Variants in P3H4 observed in about 807,000 individuals in gnomAD.
P3H4 encodes prolyl 3-hydroxylase family member 4 (inactive).
A neutral mutation model predicts 52.9 loss-of-function variants in P3H4; 47 were observed. That is an observed-to-expected ratio of 0.89 (90% CI 0.70 to 1.13). The LOEUF is 1.13. Ranked by LOEUF, P3H4 falls within the 50% of genes most tolerant of loss-of-function variation. The pLI is 0.00. For synonymous variants in P3H4, 256 were observed against 267.9 expected, an observed-to-expected ratio of 0.96 and a Z score of 0.44; for missense variants, 585 against 611.0, an observed-to-expected ratio of 0.96 and a Z score of 0.45.
intron 4 of P3H4, among the ~76,000 whole-genome samples, chr17:41,809,143 C>T (rs1012227773): frequency 5.3e-5 from 8 of 152,152 alleles, no homozygotes; most frequent in East Asian, 3.9e-4. Context: ...AAGTGTTGGC[C>T]GGTCATGGTG....
chr17:41,803,266 C>T (rs200125154), intron 7 of P3H4, 21 bp downstream of exon 7: 28 of 1,607,054 alleles, frequency 1.7e-5, no homozygotes, highest in Non-Finnish European at 2.1e-5. Context: ...TCCCCACCCC[C>T]CAAGGACTCG....
In P3H4 at chr17:41,807,903, G is replaced by A. The variant is rs782149319; in HGVS notation, c.1018C>T (p.Arg340Trp). The change falls in exon 5 of 8, where the codon CGG becomes TGG. Residue 340 changes from arginine (R) to tryptophan (W), a missense_variant. By Grantham distance (101) the Arg-to-Trp change is moderately radical. Transcript: ENST00000393928. ...TCCTCTTCCAGGCCCCAGCGAGCCC[G>A]GTGGAACCGGTAATACACCAGGTTC... Reference protein sequence around the residue: ...QQNLVYYRFHRARWGLEEEDF... With the variant: ...QQNLVYYRFHWARWGLEEEDF... 1.5e-5 allele frequency: 24 copies of A among 1,613,966 alleles called. No homozygotes were observed. In the Admixed American group the frequency reaches 2.3e-4, roughly 16 times the overall value.
At position 41,811,280 on chromosome 17, in the gene P3H4, T is replaced by C. The variant is rs782801961; in HGVS notation, c.467A>G (p.Asn156Ser). 25 of 1,612,970 alleles carry C rather than the reference T, an allele frequency of 1.5e-5. No individual in the cohort carries two copies. Among genetic ancestry groups the C allele is most frequent in the Non-Finnish European group, 1.9e-5 (23 of 1,179,964 alleles). Residue 156 changes from asparagine (N) to serine (S), a missense_variant, in exon 2 of 8, where the codon AAC becomes AGC. Transcript: ENST00000393928. This position sits in a 1 kb window ranked among gnomAD's most constrained non-coding sequence, Gnocchi z 4.8. The stretch of plus-strand genomic sequence containing the variant: ...CGCCGCCACCGCCTTCTCCAGCCGG[T>C]TAGCCTGGTCGGGGGGTAGGGGGTG... ...QYLHYALFKANRLEKAVAAAY... is the reference protein window; with the variant it reads ...QYLHYALFKASRLEKAVAAAY...
Position 41,808,149 on chromosome 17 carries a change from G to A in P3H4, c.917-145C>T, listed in dbSNP as rs1004965490. The A allele has an allele frequency of 2.1e-5, 21 of 1,018,482 alleles. No individual in the cohort carries two copies. The Admixed American group carries it at 2.8e-4, about 14-fold the overall frequency. The allele number at this position is 1,018,482 out of a possible 1,614,324, so 63.1% of individuals were successfully genotyped here. ...CTTATCCCACCCAAGCATAATGCCA[G>A]CTAGCATGTAGTGGGCACTTACCCT... On this transcript the variant is annotated intron_variant, in intron 4 of 7. Coordinates refer to ENST00000393928, the MANE Select transcript of P3H4 (RefSeq NM_006455.3).
At position 41,803,342 on chromosome 17, in the gene P3H4, G is replaced by C; in HGVS notation, c.1236C>G (p.Gly412=). The C allele has an allele frequency of 9.3e-6, 15 of 1,614,040 alleles. No individual in the cohort carries two copies. Among genetic ancestry groups the C allele is most frequent in the Non-Finnish European group, 1.3e-5 (15 of 1,179,976 alleles). ...EFEGEGDYEE[G]MYADWWQEPD... ...GCTCCTGCCACCAGTCAGCATACAT[G>C]CCCTCCTCGTAGTCACCCTCCCCCT... The change falls in exon 7 of 8, where the codon GGC becomes GGG. Residue 412 remains glycine, a synonymous_variant. Transcript: ENST00000393928.
Position 41,807,917 on chromosome 17 carries a change from T to C in P3H4, c.1004A>G (p.Tyr335Cys). ...CCAGCGAGCCCGGTGGAACCGGTAA[T>C]ACACCAGGTTCTGCTGCATGACGCT... is the stretch of plus-strand genomic sequence containing the variant. ...KDSVMQQNLVYYRFHRARWGL... is the reference protein window; with the variant it reads ...KDSVMQQNLVCYRFHRARWGL... The change falls in exon 5 of 8, where the codon TAT becomes TGT. Residue 335 changes from tyrosine (Y) to cysteine (C), a missense_variant. Tyr to Cys is a radical substitution (Grantham distance 194). Transcript: ENST00000393928. The C allele has an allele frequency of 1.9e-6, 3 of 1,614,136 alleles. No homozygotes were observed. The highest frequency in any genetic ancestry group is 2.5e-6 in the Non-Finnish European group (3 of 1,179,996).
Position 41,806,661 on chromosome 17 carries a change from G to T in P3H4, c.1146+135C>A, listed in dbSNP as rs544886911. Reference sequence around the variant, plus strand: ...GGAAGGAACGGACAGTCTAGACAAGGAACAGGCAAACCTCTCTTCTTCACG... The same window carrying T: ...GGAAGGAACGGACAGTCTAGACAAGTAACAGGCAAACCTCTCTTCTTCACG... On this transcript the variant is annotated intron_variant, in intron 6 of 7. Coordinates refer to ENST00000393928, the MANE Select transcript of P3H4 (RefSeq NM_006455.3). 6 of 698,226 alleles carry T rather than the reference G, an allele frequency of 8.6e-6. No individual in the cohort carries two copies. In the East Asian group the frequency reaches 1.1e-4, roughly 13 times the overall value. The allele number at this position is 698,226 out of a possible 1,614,324, so 43.3% of individuals were successfully genotyped here. A position where few individuals can be genotyped will look rare whatever the true frequency, so the allele number is the denominator to read the frequency against.
intron 4 of P3H4, 34 bp from the exon 5 acceptor site, chr17:41,808,038 C>T: frequency 1.3e-6 from 2 of 1,595,620 alleles, no homozygotes; most frequent in Non-Finnish European, 1.7e-6. Flanking sequence ...ATTGCTCTGG[C>T]ACTTCCCCTT....
At chr17:41,806,756 C>T (rs1555614219) in intron 6 of P3H4, 40 bp downstream of exon 6, 2 of 1,558,028 alleles carry the variant, frequency 1.3e-6, no homozygotes, top group Non-Finnish European at 1.8e-6. Context: ...TCCAAGGTGT[C>T]CCCATCACAG....
chr17:41,803,322 TGC>T lies in P3H4; in HGVS notation c.1254_1255del (p.Trp418Ter). 1 of 1,614,032 alleles carries T rather than the reference TGC, an allele frequency of 6.2e-7. No individual in the cohort carries two copies. Among genetic ancestry groups the T allele is most frequent in the Non-Finnish European group, 8.5e-7 (1 of 1,179,948 alleles). ...CTCGTCACCCTTGGCATCCGGCTCC[TGC>T]CACCAGTCAGCATACATGCCCTCCT... is the stretch of plus-strand genomic sequence containing the variant. On this transcript the variant is annotated stop_gained and frameshift_variant, in exon 7 of 8. Coordinates refer to ENST00000393928, the MANE Select transcript of P3H4 (RefSeq NM_006455.3). LOFTEE classifies it high-confidence loss of function.
At chr17:41,808,114 T>A (rs1597896722) in intron 4 of P3H4, 110 bp from the exon 5 acceptor site, 2 of 1,375,790 alleles carry the variant, frequency 1.5e-6, no homozygotes, top group Non-Finnish European at 2.0e-6. Context: ...CCAGAATACC[T>A]AATGGGCTCC....
Position 41,811,868 on chromosome 17 carries a change from G to T in P3H4, c.48C>A (p.Ala16=), listed in dbSNP as rs1256131091. 1.3e-6 allele frequency: 2 copies of T among 1,539,162 alleles called. No individual in the cohort carries two copies. Among genetic ancestry groups the T allele is most frequent in the Admixed American group, 3.8e-5 (2 of 52,292 alleles). The part of the protein sequence containing the change: ...WGLLWLLLGS[A]GAQYEKYSFR... The stretch of plus-strand genomic sequence containing the variant: ...AGCTGTACTTCTCGTACTGCGCCCC[G>T]GCGCTGCCCAGCAGCAACCACAGCA... The change falls in exon 1 of 8, where the codon GCC becomes GCA. Residue 16 remains alanine, a synonymous_variant. Transcript: ENST00000393928. This position sits in a 1 kb window ranked among gnomAD's most constrained non-coding sequence, Gnocchi z 4.8.
In P3H4 at chr17:41,810,933, G is replaced by A. The variant is rs2047724613; in HGVS notation, c.717C>T (p.Ala239=). 6.2e-7 allele frequency: 1 copy of A among 1,614,066 alleles called. No individual in the cohort carries two copies. Among genetic ancestry groups the A allele is most frequent in the South Asian group, 1.1e-5 (1 of 91,090 alleles). The change falls in exon 3 of 8, where the codon GCC becomes GCT. Residue 239 remains alanine, a synonymous_variant. Coordinates refer to ENST00000393928, the MANE Select transcript of P3H4 (RefSeq NM_006455.3). ...RALSEYLAVF[A]RCLAGCEGAH... ...CCCCTTCACAGCCGGCCAGGCACCG[G>A]GCAAAGACTGCCAGGTACTCTGACA...
At chr17:41,807,171 A>G (rs1555614305) in intron 5 of P3H4, 1 of 451,488 alleles carries the variant, frequency 2.2e-6, no homozygotes, top group South Asian at 2.6e-5. Flanking sequence ...CCTCAACTCC[A>G]ACAGATTTCC....
rs782592603 is a variant in P3H4 at position 41,811,565 on chromosome 17, C to T, written c.351G>A (p.Arg117=). ...AGGCGGGCAGCGTCCGCTTGCAGCG[C>T]CGCAGGCAGGCGGCTCGCTCCAGGA... ...GRVLERAACL[R]RCKRTLPAFQ... is the part of the protein sequence containing the mutation. The change falls in exon 1 of 8, where the codon CGG becomes CGA. Residue 117 remains arginine (R), a synonymous_variant. Transcript: ENST00000393928. The surrounding 1 kb of genome is among the most constrained non-coding windows in gnomAD (Gnocchi z 4.8). The T allele has an allele frequency of 1.9e-6, 3 of 1,606,560 alleles. No homozygotes were observed. The highest frequency in any genetic ancestry group is 2.2e-5 in the East Asian group (1 of 44,518).
At position 41,809,786 on chromosome 17, in the gene P3H4, A is replaced by C. The variant is rs2047710351; in HGVS notation, c.836T>G (p.Leu279Trp). 6.2e-7 allele frequency: 1 copy of C among 1,613,866 alleles called. No homozygotes were observed. The highest frequency in any genetic ancestry group is 1.3e-5 in the African/African-American group (1 of 74,906). ...LQCKVDCEAN[L>W]TPNVGGYFVD... is the part of the protein sequence containing the mutation. ...GAAGTAGCCACCCACATTGGGGGTC[A>C]AATTGGCCTCACAGTCCACCTTGCA... Residue 279 changes from leucine (L) to tryptophan (W), a missense_variant, in exon 4 of 8, where the codon TTG becomes TGG. Leu to Trp is a moderately conservative substitution (Grantham distance 61, BLOSUM62 -2). Coordinates refer to ENST00000393928, the MANE Select transcript of P3H4 (RefSeq NM_006455.3).
Position 41,811,465 on chromosome 17 carries a change from C to G in P3H4, c.451G>C (p.Ala151Pro). ...GGGCGGGCTCCCACCTTGAACAGCGCGTAGTGCAGGTACTGGTAGGGCAGG... is the reference window on the plus strand; with the variant it reads ...GGGCGGGCTCCCACCTTGAACAGCGGGTAGTGCAGGTACTGGTAGGGCAGG... Reference protein sequence around the residue: ...SRLPYQYLHYALFKANRLEKA... With the variant: ...SRLPYQYLHYPLFKANRLEKA... The change falls in exon 1 of 8, where the codon GCG (alanine) becomes CCG (proline). Residue 151 changes from alanine to proline, a missense_variant. Ala to Pro is a conservative substitution (Grantham distance 27). Coordinates refer to ENST00000393928, the MANE Select transcript of P3H4 (RefSeq NM_006455.3). This position sits in a 1 kb window ranked among gnomAD's most constrained non-coding sequence, Gnocchi z 4.8. 6.2e-7 allele frequency: 1 copy of G among 1,612,240 alleles called. No individual in the cohort carries two copies.
At chr17:41,806,981 C>G in intron 5 of P3H4, 102 bp from the exon 6 acceptor site, 1 of 825,960 alleles carries the variant, frequency 1.2e-6, no homozygotes, top group Admixed American at 2.1e-5. Flanking sequence ...CCTCTTCTAG[C>G]TCAAGGATCA....
chr17:41,809,190 G>A (rs1255473758), intron 4 of P3H4, among the ~76,000 whole-genome samples: 5 of 152,208 alleles, frequency 3.3e-5, no homozygotes, highest in Non-Finnish European at 7.3e-5. Context: ...GGGAGGCTGA[G>A]GCAGTGGATC....
Sources: gnomAD v4.1 joint callset for allele counts (sites outside exome capture counted in the v4.1 genomes callset) on GRCh38, gnomAD v4.1.1 for gene constraint, Gnocchi (gnomAD v3.1) non-coding constraint, MANE v1.5 for transcripts, NCBI Gene and HGNC (gene_info 2026-07-23, HGNC 2026-07-21) for gene names.